ATXN8OS: variants seen among roughly 807,000 people sequenced by gnomAD.
ATXN8OS encodes the protein ATXN8 opposite strand (non-protein coding).
intron 3 of ATXN8OS, among the ~76,000 whole-genome samples, chr13:70,134,681 A>T (rs1888585016): frequency 6.6e-6 from 1 of 152,220 alleles, no homozygotes; most frequent in African/African-American, 2.4e-5. Flanking sequence ...TTTCCTGAAT[A>T]GAAAAGAGAC....
chr13:70,112,991 C>T (rs1888220129), intron 1 of ATXN8OS, among the ~76,000 whole-genome samples: 2 of 142,204 alleles, frequency 1.4e-5, no homozygotes, highest in African/African-American at 5.2e-5. Flanking sequence ...GGCGTGATTC[C>T]TGCTCACTGC....
At position 70,165,368 on chromosome 13, in the gene ATXN8OS, G is replaced by T. The variant is rs1414175809; in HGVS notation, n.574-4385G>T. Among the ~76,000 whole-genome samples, 7 of 151,716 alleles carry T rather than the reference G, an allele frequency of 4.6e-5. No homozygotes were observed. In the East Asian group the frequency reaches 1.4e-3, roughly 29 times the overall value. ...TATAATTCACATGAAAGAGATAAAG[G>T]TTATTCCTGCATAGTTGTATAATCA... is the stretch of plus-strand genomic sequence containing the variant. On this transcript the variant is annotated intron_variant and non_coding_transcript_variant, in intron 4 of 4. Coordinates refer to ENST00000678624, the Ensembl canonical transcript of ATXN8OS.
chr13:70,163,648 T>A lies in ATXN8OS; in HGVS notation n.574-6105T>A, dbSNP rs112190540. ...AAAGCAAATGGAGTTGCTTAAAAAG[T>A]CATTAAAACCTAGAACTTTCACTCA... is the stretch of plus-strand genomic sequence containing the variant. On this transcript the variant is annotated intron_variant and non_coding_transcript_variant, in intron 4 of 4. Transcript: ENST00000678624. 5.0e-3 allele frequency among the ~76,000 whole-genome samples: 766 copies of A among 152,112 alleles called. 10 individuals are homozygous for A. The highest frequency in any genetic ancestry group is 4.5e-3 in the Non-Finnish European group (306 of 67,918).
chr13:70,137,905 A>C (rs952520042), intron 3 of ATXN8OS, among the ~76,000 whole-genome samples: 2 of 152,230 alleles, frequency 1.3e-5, no homozygotes, highest in African/African-American at 4.8e-5. Flanking sequence ...AAGCCTCAGG[A>C]AACTTACAAA....
chr13:70,116,343 T>A (rs140718085), intron 2 of ATXN8OS, among the ~76,000 whole-genome samples: 42 of 152,226 alleles, frequency 2.8e-4, no homozygotes, highest in Non-Finnish European at 4.9e-4. Context: ...GAGCTTTAAG[T>A]AATCTATGTG....
intron 4 of ATXN8OS, among the ~76,000 whole-genome samples, chr13:70,165,804 A>G (rs1481627893): frequency 6.6e-6 from 1 of 152,066 alleles, no homozygotes; most frequent in African/African-American, 2.4e-5. Flanking sequence ...AAATATTTAA[A>G]TATAAATAGA....
chr13:70,130,981 T>C (rs942942775), intron 3 of ATXN8OS: 4 of 398,402 alleles, frequency 1.0e-5, no homozygotes, highest in African/African-American at 8.2e-5. Flanking sequence ...TTGCGCTTAT[T>C]GGGAGTAAGA....
chr13:70,119,784 A>T (rs561177286), intron 2 of ATXN8OS, among the ~76,000 whole-genome samples: 1 of 152,258 alleles, frequency 6.6e-6, no homozygotes, highest in South Asian at 2.1e-4. Flanking sequence ...GCTCAAAAAA[A>T]CTTGAATATT....
intron 4 of ATXN8OS, among the ~76,000 whole-genome samples, chr13:70,147,619 C>G (rs1888803458): frequency 6.6e-6 from 1 of 152,080 alleles, no homozygotes; most frequent in Admixed American, 6.6e-5. Flanking sequence ...CCTTATGTTT[C>G]AAAAATAAAG....
intron 4 of ATXN8OS, among the ~76,000 whole-genome samples, chr13:70,167,427 A>G (rs945325032): frequency 6.6e-6 from 1 of 151,884 alleles, no homozygotes; most frequent in East Asian, 1.9e-4. Context: ...ACCAAACACC[A>G]CATGTTCTCA....
At chr13:70,170,472 G>A (rs1889132521) in exon 5 of ATXN8OS, among the ~76,000 whole-genome samples, 1 of 152,100 alleles carries the variant, frequency 6.6e-6, no homozygotes, top group Non-Finnish European at 1.5e-5. Flanking sequence ...TGCTTTGGGA[G>A]CAGGGAATCA....
intron 2 of ATXN8OS, among the ~76,000 whole-genome samples, chr13:70,129,375 C>CTGTGTGTG (rs34731574): frequency 6.7e-6 from 1 of 148,994 alleles, no homozygotes; most frequent in Non-Finnish European, 1.5e-5. Flanking sequence ...TTGTATTTTT[C>CTGTGTGTG]TGTGTGTGTG....
chr13:70,121,308 T>G (rs1227339392), intron 2 of ATXN8OS, among the ~76,000 whole-genome samples: 1 of 152,096 alleles, frequency 6.6e-6, no homozygotes, highest in African/African-American at 2.4e-5. Context: ...AACATAAAGA[T>G]CACTGCTCAT....
intron 4 of ATXN8OS, among the ~76,000 whole-genome samples, chr13:70,152,025 T>G (rs1295760816): frequency 6.6e-6 from 1 of 152,152 alleles, no homozygotes; most frequent in African/African-American, 2.4e-5. Flanking sequence ...CTTAATAACT[T>G]AAACCTTGCT....
intron 3 of ATXN8OS, among the ~76,000 whole-genome samples, chr13:70,139,895 G>C (rs1888685656): frequency 6.6e-6 from 1 of 152,070 alleles, no homozygotes; most frequent in Non-Finnish European, 1.5e-5. Flanking sequence ...ATTTTTGAAA[G>C]TTTTGGATAT....
chr13:70,118,306 A>G (rs901415262), intron 2 of ATXN8OS, among the ~76,000 whole-genome samples: 5 of 152,124 alleles, frequency 3.3e-5, no homozygotes, highest in African/African-American at 1.2e-4. Flanking sequence ...AATCTCTGAT[A>G]GTGTGAGTGA....
At chr13:70,141,858 A>T (rs1345015954) in intron 3 of ATXN8OS, among the ~76,000 whole-genome samples, 1 of 152,026 alleles carries the variant, frequency 6.6e-6, no homozygotes, top group Non-Finnish European at 1.5e-5. Flanking sequence ...ATATACATAC[A>T]TATATATGTA....
At chr13:70,147,671 A>G (rs618683) in intron 4 of ATXN8OS, among the ~76,000 whole-genome samples, 118,250 of 152,118 alleles carry the variant, frequency 0.78, 46,114 homozygotes, top group South Asian at 0.84. Context: ...TGTATTATAT[A>G]ACATTTCAGT....
chr13:70,126,607 T>TTTTA (rs140557316), intron 2 of ATXN8OS, among the ~76,000 whole-genome samples: 34 of 149,824 alleles, frequency 2.3e-4, no homozygotes, highest in African/African-American at 8.1e-4. Flanking sequence ...TCTAGACATA[T>TTTTA]TATATATATA....
Sources: gnomAD v4.1 joint callset for allele counts (sites outside exome capture counted in the v4.1 genomes callset) on GRCh38, gnomAD v4.1.1 for gene constraint, MANE v1.5 for transcripts, NCBI Gene and HGNC (gene_info 2026-07-23, HGNC 2026-07-21) for gene names.